CDH4: variants seen among roughly 807,000 people sequenced by gnomAD.
CDH4 encodes cadherin 4, also known as cadherin-4.
Under a neutral mutation model 86.0 loss-of-function variants are expected in CDH4, and 33 were observed. The ratio of observed to expected loss-of-function variants is 0.38; its 90% CI spans 0.29 to 0.51. CDH4 has a LOEUF of 0.51. CDH4 is among the 20% of genes least tolerant of loss of function. CDH4 has a pLI of 0.86. For missense variants in CDH4, 1,114 were observed against 1,307.4 expected (o/e 0.85, Z 2.28); for synonymous variants, 555 against 549.4 (o/e 1.01, Z -0.14).
intron 2 of CDH4, among the ~76,000 whole-genome samples, chr20:61,515,708 C>T (rs1214441961): frequency 6.6e-6 from 1 of 152,214 alleles, no homozygotes; most frequent in East Asian, 1.9e-4. Flanking sequence ...CCCGCCTGGC[C>T]ATTGCCTCTC....
chr20:61,934,048 T>A lies in CDH4; in HGVS notation c.2380-8T>A. The A allele has an allele frequency of 6.2e-7, 1 of 1,609,962 alleles. No homozygotes were observed. The highest frequency in any genetic ancestry group is 8.5e-7 in the Non-Finnish European group (1 of 1,179,474). On this transcript the variant is annotated splice_polypyrimidine_tract_variant and splice_region_variant and intron_variant, in intron 14 of 15. Transcript: ENST00000614565. ...ATGCCCCTGACTCCTCCCGGCTCCC[T>A]CCCCCAGGACTACGACCTCAGCCAG... is the stretch of plus-strand genomic sequence containing the variant.
chr20:61,634,456 T>A (rs977845340), intron 2 of CDH4, among the ~76,000 whole-genome samples: 3 of 151,758 alleles, frequency 2.0e-5, no homozygotes, highest in Non-Finnish European at 4.4e-5. Context: ...CTTCCGCGAG[T>A]GTTCTCCACA....
At chr20:61,354,299 C>A (rs1843898092) in intron 2 of CDH4, among the ~76,000 whole-genome samples, 1 of 152,260 alleles carries the variant, frequency 6.6e-6, no homozygotes, top group East Asian at 1.9e-4. Context: ...CCTCCTGGAT[C>A]CCCCAAGACC....
intron 2 of CDH4, among the ~76,000 whole-genome samples, chr20:61,598,087 C>T (rs1490843300): frequency 2.0e-5 from 3 of 152,234 alleles, no homozygotes; most frequent in South Asian, 2.1e-4. Flanking sequence ...ATGCCAAGCT[C>T]TTGTCAATGG....
chr20:61,548,768 A>C (rs112900741), intron 2 of CDH4, among the ~76,000 whole-genome samples: 28 of 152,318 alleles, frequency 1.8e-4, no homozygotes, highest in African/African-American at 6.3e-4. Flanking sequence ...CGTGACCATT[A>C]TTCTTCTAAA....
At chr20:61,688,600 C>T (rs2087615822) in intron 2 of CDH4, among the ~76,000 whole-genome samples, 1 of 152,210 alleles carries the variant, frequency 6.6e-6, no homozygotes, top group South Asian at 2.1e-4. Context: ...CAGGGACTCG[C>T]AGCATCTCTG....
chr20:61,367,087 C>T (rs1050972934), intron 2 of CDH4, among the ~76,000 whole-genome samples: 2 of 152,164 alleles, frequency 1.3e-5, no homozygotes, highest in Non-Finnish European at 2.9e-5. Context: ...CGGGCAGATC[C>T]AGTCCACCCA....
At chr20:61,263,990 G>A (rs192590806) in intron 2 of CDH4, among the ~76,000 whole-genome samples, 69 of 152,148 alleles carry the variant, frequency 4.5e-4, no homozygotes, top group African/African-American at 1.6e-3. Context: ...ATTACCTTGG[G>A]CCTCCCTGAG....
rs1346646325 is a variant in CDH4 at position 61,709,565 on chromosome 20, T to TG, written c.170-33997dup. On this transcript the variant is annotated intron_variant, in intron 2 of 15. Transcript: ENST00000614565. The surrounding 1 kb of genome is among the most constrained non-coding windows in gnomAD (Gnocchi z 4.8). ...TGCTGGGATTACAGGCATGAGCCAC[T>TG]GTGCCTGGCAATTTTTGAATGACAA... is the stretch of plus-strand genomic sequence containing the variant. Among the ~76,000 whole-genome samples, 4 of 151,756 alleles carry TG rather than the reference T, an allele frequency of 2.6e-5. No homozygotes were observed. Among genetic ancestry groups the TG allele is most frequent in the Non-Finnish European group, 5.9e-5 (4 of 67,946 alleles).
chr20:61,503,514 G>A (rs943095406), intron 2 of CDH4, among the ~76,000 whole-genome samples: 1 of 152,234 alleles, frequency 6.6e-6, no homozygotes, highest in African/African-American at 2.4e-5. Flanking sequence ...TGAAGAGTAA[G>A]TGTGTCCTGG....
intron 2 of CDH4, among the ~76,000 whole-genome samples, chr20:61,640,346 A>G (rs375207912): frequency 3.3e-5 from 5 of 152,224 alleles, no homozygotes; most frequent in African/African-American, 1.2e-4. Context: ...AGGGTGCATG[A>G]GGGCCCCAGC....
intron 2 of CDH4, among the ~76,000 whole-genome samples, chr20:61,447,152 TG>T (rs1295703235): frequency 3.9e-5 from 6 of 152,084 alleles, no homozygotes; most frequent in Non-Finnish European, 5.9e-5. Context: ...TGGTGTTTTT[TG>T]TTTGTTTGCT....
At chr20:61,712,819 C>T (rs2087907786) in intron 2 of CDH4, among the ~76,000 whole-genome samples, 1 of 152,194 alleles carries the variant, frequency 6.6e-6, no homozygotes, top group Non-Finnish European at 1.5e-5. Context: ...TGGCCCCATG[C>T]CCTGGGCCCA....
chr20:61,880,240 C>T (rs941817217), intron 7 of CDH4, among the ~76,000 whole-genome samples: 6 of 152,270 alleles, frequency 3.9e-5, no homozygotes, highest in African/African-American at 1.4e-4. Context: ...GCGAGCCTCT[C>T]GTAAGCCCCA....
intron 2 of CDH4, among the ~76,000 whole-genome samples, chr20:61,553,834 T>C (rs1190026621): frequency 1.3e-5 from 2 of 152,244 alleles, no homozygotes; most frequent in Non-Finnish European, 2.9e-5. Flanking sequence ...TTGGTAGATA[T>C]GTGCATCAAA....
intron 2 of CDH4, among the ~76,000 whole-genome samples, chr20:61,504,229 G>A (rs1228364792): frequency 2.6e-5 from 4 of 152,336 alleles, no homozygotes; most frequent in South Asian, 2.1e-4. Flanking sequence ...ACTGGGGCGC[G>A]AGCCTCTGCT....
chr20:61,733,580 G>T (rs563843498), intron 2 of CDH4, among the ~76,000 whole-genome samples: 2 of 152,200 alleles, frequency 1.3e-5, no homozygotes, highest in East Asian at 3.9e-4. Flanking sequence ...TACATGCCAT[G>T]TGGGCTGACT....
intron 6 of CDH4, among the ~76,000 whole-genome samples, chr20:61,873,094 A>C (rs934933866): frequency 3.3e-5 from 5 of 152,212 alleles, no homozygotes; most frequent in Non-Finnish European, 5.9e-5. Flanking sequence ...CACCAAGCTG[A>C]GAGAGCACAT....
intron 3 of CDH4, among the ~76,000 whole-genome samples, chr20:61,745,402 ATGGAAGCGGAGG>A (rs1335340455): frequency 2.0e-5 from 3 of 152,174 alleles, no homozygotes; most frequent in Non-Finnish European, 4.4e-5. Context: ...GGAAGCGGAG[ATGGAAGCGGAGG>A]TGGTTTAGGT....
Sources: gnomAD v4.1 joint callset for allele counts (sites outside exome capture counted in the v4.1 genomes callset) on GRCh38, gnomAD v4.1.1 for gene constraint, Gnocchi (gnomAD v3.1) non-coding constraint, MANE v1.5 for transcripts, NCBI Gene and HGNC (gene_info 2026-07-23, HGNC 2026-07-21) for gene names.